DNASE1: variants seen among roughly 807,000 people sequenced by gnomAD.
DNASE1 encodes deoxyribonuclease 1, also known as deoxyribonuclease-1.
DNASE1 carries 40 observed loss-of-function variants against 33.9 expected under a neutral mutation model. That is an observed-to-expected ratio of 1.18 (90% CI 0.92 to 1.54). The LOEUF (loss-of-function observed/expected upper bound fraction) is 1.54. Among genes scored for constraint, DNASE1 ranks in the 40% most tolerant of loss-of-function variants. DNASE1 has a pLI of 0.00. For synonymous variants in DNASE1, 216 were observed against 160.0 expected, an observed-to-expected ratio of 1.35 and a Z score of -2.64; for missense variants, 518 against 372.6, an observed-to-expected ratio of 1.39 and a Z score of -3.21.
At chr16:3,624,731 A>T (rs1271470167) in intron 1 of DNASE1, among the ~76,000 whole-genome samples, 1 of 152,150 alleles carries the variant, frequency 6.6e-6, no homozygotes. Flanking sequence ...CCCAGGCTGG[A>T]GTGCAGTAGT....
intron 1 of DNASE1, among the ~76,000 whole-genome samples, chr16:3,618,387 CAT>C (rs1486975387): frequency 2.0e-5 from 3 of 152,150 alleles, no homozygotes; most frequent in Admixed American, 1.3e-4. Flanking sequence ...ATAAAATCAT[CAT>C]ATGATTCAGC....
At chr16:3,614,464 T>C (rs1013566208) in intron 1 of DNASE1, among the ~76,000 whole-genome samples, 5 of 152,240 alleles carry the variant, frequency 3.3e-5, no homozygotes, top group Non-Finnish European at 7.3e-5. Context: ...AAGGAGAAAG[T>C]CTAGGCCAGA....
At chr16:3,658,307 C>G, downstream of DNASE1, 1 of 1,212,066 alleles carries the variant, frequency 8.3e-7, no homozygotes, top group Middle Eastern at 1.9e-4. Flanking sequence ...GACAGAGTCT[C>G]ACTGTTGCCG....
exon 10 of DNASE1, chr16:3,663,132 C>T: frequency 1.5e-6 from 1 of 676,426 alleles, no homozygotes; most frequent in Non-Finnish European, 2.5e-6. Context: ...AAGGATGCTT[C>T]AGGTTGCCTG....
intron 1 of DNASE1, among the ~76,000 whole-genome samples, chr16:3,617,617 G>C (rs946405865): frequency 2.0e-5 from 3 of 152,030 alleles, no homozygotes; most frequent in Admixed American, 1.3e-4. Flanking sequence ...GGCCTCAACC[G>C]CAAGGTGATG....
At chr16:3,628,786 C>T (rs187661472) in intron 1 of DNASE1, among the ~76,000 whole-genome samples, 1 of 148,628 alleles carries the variant, frequency 6.7e-6, no homozygotes, top group Non-Finnish European at 1.5e-5. Flanking sequence ...GTCTCGATCT[C>T]CTGACCTCGT....
chr16:3,638,590 G>A (rs957882913), upstream of DNASE1, among the ~76,000 whole-genome samples: 11 of 152,150 alleles, frequency 7.2e-5, no homozygotes, highest in South Asian at 4.1e-4. Flanking sequence ...CGCCTGCCTC[G>A]GCCTCCCAAA....
intron 1 of DNASE1, among the ~76,000 whole-genome samples, chr16:3,630,328 C>A (rs1261783810): frequency 6.6e-6 from 1 of 152,118 alleles, no homozygotes; most frequent in Non-Finnish European, 1.5e-5. Context: ...ACCACAGGCA[C>A]ACGCCACCAC....
At chr16:3,623,265 C>T (rs1434029483) in intron 1 of DNASE1, among the ~76,000 whole-genome samples, 2 of 151,786 alleles carry the variant, frequency 1.3e-5, no homozygotes, top group African/African-American at 2.4e-5. Flanking sequence ...CAATAAATAG[C>T]GCTGGGAAAA....
chr16:3,645,354 A>G (rs1434064226), intron 1 of DNASE1, among the ~76,000 whole-genome samples: 1 of 151,832 alleles, frequency 6.6e-6, no homozygotes, highest in Non-Finnish European at 1.5e-5. Context: ...TTTCATTGCG[A>G]CCCTTGTTGG....
At chr16:3,658,400 G>A (rs151275962), downstream of DNASE1, 331 of 636,430 alleles carry the variant, frequency 5.2e-4, 1 homozygote, top group African/African-American at 4.9e-3. Context: ...GATTACAGGC[G>A]TGAGCCACCA....
downstream of DNASE1, chr16:3,660,395 G>C (rs989749181): frequency 6.6e-6 from 1 of 152,272 alleles, no homozygotes; most frequent in South Asian, 2.1e-4. Context: ...CCACCACTTT[G>C]GGAGGCCAAG....
upstream of DNASE1, among the ~76,000 whole-genome samples, chr16:3,642,061 T>C (rs1048312091): frequency 3.3e-5 from 5 of 152,194 alleles, no homozygotes; most frequent in African/African-American, 1.2e-4. Context: ...GCCCCAGGAC[T>C]GTGGACTAGT....
At chr16:3,641,669 G>T (rs1287594246), upstream of DNASE1, among the ~76,000 whole-genome samples, 1 of 152,230 alleles carries the variant, frequency 6.6e-6, no homozygotes, top group African/African-American at 2.4e-5. Flanking sequence ...CCCCAGAGAA[G>T]AATTTGGTTA....
At chr16:3,615,801 A>G (rs1232801435) in intron 1 of DNASE1, among the ~76,000 whole-genome samples, 1 of 152,180 alleles carries the variant, frequency 6.6e-6, no homozygotes, top group Non-Finnish European at 1.5e-5. Flanking sequence ...CCCTCCTGGA[A>G]TATTTCCTTT....
downstream of DNASE1, chr16:3,658,811 AGCCAG>A (rs746411033): frequency 9.9e-6 from 16 of 1,613,752 alleles, no homozygotes; most frequent in African/African-American, 5.3e-5. Flanking sequence ...CCAGCAGCTG[AGCCAG>A]GCCAGGCTCG....
upstream of DNASE1, chr16:3,641,166 G>A: frequency 2.6e-6 from 1 of 388,616 alleles, no homozygotes; most frequent in Non-Finnish European, 4.5e-6. Context: ...GCTGTGGGGG[G>A]CGTGGCCCTG....
At chr16:3,617,155 C>T (rs750989484) in intron 1 of DNASE1, among the ~76,000 whole-genome samples, 15 of 151,456 alleles carry the variant, frequency 9.9e-5, no homozygotes, top group Non-Finnish European at 2.1e-4. Flanking sequence ...GGAGAAACCC[C>T]GTCTGTACTA....
upstream of DNASE1, chr16:3,640,682 G>A (rs139699159): frequency 1.0e-3 from 411 of 398,592 alleles, 3 homozygotes; most frequent in Admixed American, 0.01. Flanking sequence ...GAGCTGATGG[G>A]CATGAGTAAC....
Sources: gnomAD v4.1 joint callset for allele counts (sites outside exome capture counted in the v4.1 genomes callset) on GRCh38, gnomAD v4.1.1 for gene constraint, MANE v1.5 for transcripts, NCBI Gene and HGNC (gene_info 2026-07-23, HGNC 2026-07-21) for gene names.